Variants in ANO4 observed in about 807,000 individuals in gnomAD.
ANO4 encodes the protein anoctamin-4.
In ANO4, 69 loss-of-function variants were observed where a neutral mutation model predicts 141.9. That is an observed-to-expected ratio of 0.49 (90% CI 0.40 to 0.59). The LOEUF is 0.59. Among genes scored for constraint, ANO4 ranks in the 20% least tolerant of loss-of-function variants. The pLI is 0.00. For missense variants in ANO4, 894 were observed against 1,162.2 expected (o/e 0.77, Z 3.36); for synonymous variants, 350 against 394.3 (o/e 0.89, Z 1.33).
chr12:101,109,460 C>G (rs1275944154), intron 22 of ANO4, among the ~76,000 whole-genome samples: 1 of 151,954 alleles, frequency 6.6e-6, no homozygotes, highest in Non-Finnish European at 1.5e-5. Flanking sequence ...ACTCAGGAGG[C>G]TGAGGCAGGA....
At chr12:100,992,182 A>G (rs767495034) in intron 8 of ANO4, among the ~76,000 whole-genome samples, 8 of 152,208 alleles carry the variant, frequency 5.3e-5, no homozygotes, top group Non-Finnish European at 1.0e-4. Flanking sequence ...TCAGGTGCAT[A>G]CTGCATGGTG....
chr12:100,740,937 T>A (rs1196857056), intron 3 of ANO4, among the ~76,000 whole-genome samples: 1 of 152,196 alleles, frequency 6.6e-6, no homozygotes, highest in Non-Finnish European at 1.5e-5. Context: ...GCTGAAATAT[T>A]TATTATCTGG....
intron 14 of ANO4, among the ~76,000 whole-genome samples, chr12:101,069,460 T>C (rs1415034350): frequency 1.3e-5 from 2 of 152,238 alleles, no homozygotes; most frequent in Non-Finnish European, 2.9e-5. Context: ...TTAATACCTC[T>C]GGGCAGAATC....
chr12:100,964,462 C>T (rs959239240), intron 5 of ANO4, among the ~76,000 whole-genome samples: 1 of 145,618 alleles, frequency 6.9e-6, no homozygotes, highest in African/African-American at 2.5e-5. Flanking sequence ...TTTGCATTCA[C>T]TATGATTTTT....
intron 5 of ANO4, among the ~76,000 whole-genome samples, chr12:100,968,722 A>C (rs886772817): frequency 6.6e-6 from 1 of 152,202 alleles, no homozygotes; most frequent in African/African-American, 2.4e-5. Context: ...ATGTATTGAA[A>C]AGCAAGCGGC....
intron 17 of ANO4, among the ~76,000 whole-genome samples, chr12:101,089,201 G>C (rs1475104828): frequency 6.6e-6 from 1 of 152,010 alleles, no homozygotes; most frequent in African/African-American, 2.4e-5. Context: ...TGATTCCTAA[G>C]AGAATTCAAC....
At chr12:101,011,780 T>G (rs1210763354) in intron 8 of ANO4, among the ~76,000 whole-genome samples, 3 of 152,202 alleles carry the variant, frequency 2.0e-5, no homozygotes, top group African/African-American at 4.8e-5. Flanking sequence ...TTTCCTACTT[T>G]GCCACATGCC....
intron 17 of ANO4, among the ~76,000 whole-genome samples, chr12:101,090,233 C>A (rs1230042604): frequency 6.6e-6 from 1 of 152,180 alleles, no homozygotes. Flanking sequence ...TTTGGCCCAG[C>A]CATCCCATTA....
chr12:101,073,220 C>T (rs1465900050), intron 14 of ANO4, among the ~76,000 whole-genome samples: 1 of 152,150 alleles, frequency 6.6e-6, no homozygotes, highest in Non-Finnish European at 1.5e-5. Flanking sequence ...GGCACATATA[C>T]ACCATGGCAT....
chr12:101,005,365 A>G (rs1169538435), intron 8 of ANO4, among the ~76,000 whole-genome samples: 2 of 152,216 alleles, frequency 1.3e-5, no homozygotes, highest in Non-Finnish European at 2.9e-5. Context: ...AATCTCTAAT[A>G]AATTTGAATA....
intron 9 of ANO4, among the ~76,000 whole-genome samples, chr12:101,020,873 AGTTTTTTATCAATAGT>A (rs2046496366): frequency 6.6e-6 from 1 of 152,168 alleles, no homozygotes; most frequent in Non-Finnish European, 1.5e-5. Context: ...TTTTCCAGCA[AGTTTTTTATCAATAGT>A]TTTAATAATG....
intron 14 of ANO4, among the ~76,000 whole-genome samples, chr12:101,073,147 G>T (rs1315077401): frequency 6.6e-6 from 1 of 152,102 alleles, no homozygotes; most frequent in East Asian, 1.9e-4. Flanking sequence ...GTTTATTGCG[G>T]CACTATTCAC....
At chr12:101,076,682 G>A (rs1262320281) in intron 14 of ANO4, among the ~76,000 whole-genome samples, 2 of 152,184 alleles carry the variant, frequency 1.3e-5, no homozygotes, top group Non-Finnish European at 2.9e-5. Flanking sequence ...GCCTGAGGCT[G>A]TCCCAGAATG....
At chr12:100,943,253 C>T (rs1169480596) in intron 5 of ANO4, among the ~76,000 whole-genome samples, 2 of 152,174 alleles carry the variant, frequency 1.3e-5, no homozygotes, top group East Asian at 1.9e-4. Flanking sequence ...TAACTCTTCT[C>T]GGCTTCTCCC....
intron 1 of ANO4, among the ~76,000 whole-genome samples, chr12:100,891,712 T>G (rs2040115881): frequency 1.3e-5 from 2 of 152,236 alleles, no homozygotes; most frequent in Non-Finnish European, 2.9e-5. Context: ...GATAGCTAAA[T>G]CAATGCAATT....
At chr12:101,120,904 A>G (rs1201679104) in intron 26 of ANO4, among the ~76,000 whole-genome samples, 3 of 152,170 alleles carry the variant, frequency 2.0e-5, no homozygotes, top group Non-Finnish European at 4.4e-5. Context: ...AACTTTAGCA[A>G]AAATGCAGTT....
intron 8 of ANO4, among the ~76,000 whole-genome samples, chr12:101,009,148 A>AACAGGT (rs2136437904): frequency 3.3e-5 from 5 of 152,236 alleles, no homozygotes; most frequent in African/African-American, 1.2e-4. Flanking sequence ...AGGGTCTTTA[A>AACAGGT]ACAGGTAATT....
At position 101,079,194 on chromosome 12, in the gene ANO4, A is replaced by C; in HGVS notation, c.1314A>C (p.Ala438=). 6.2e-7 allele frequency: 1 copy of C among 1,613,670 alleles called. No individual in the cohort carries two copies. Among genetic ancestry groups the C allele is most frequent in the Non-Finnish European group, 8.5e-7 (1 of 1,179,698 alleles). ...TTTGTCTTTCTCTGCTTGTTCCAGC[A>C]ACAGTTTTCCTGGAGTTTTGGAAAA... is the stretch of plus-strand genomic sequence containing the variant. ...VFFAVFMAVW[A]TVFLEFWKRR... Residue 438 remains alanine (A), a splice_region_variant and synonymous_variant, in exon 15 of 28, where the codon GCA becomes GCC. Transcript: ENST00000392977.
chr12:100,808,485 A>G (rs947612374), intron 1 of ANO4, among the ~76,000 whole-genome samples: 3 of 152,062 alleles, frequency 2.0e-5, no homozygotes, highest in African/African-American at 7.2e-5. Flanking sequence ...AATTTGGGAG[A>G]ATTTTTTATG....
Sources: allele counts gnomAD v4.1 joint callset (sites outside exome capture counted in the v4.1 genomes callset), GRCh38; gene constraint gnomAD v4.1.1; transcripts MANE v1.5; gene names NCBI Gene and HGNC (gene_info 2026-07-23, HGNC 2026-07-21).